The following IPO9 variants were observed in gnomAD, a reference collection of about 807,000 sequenced individuals.
IPO9 encodes the protein importin-9.
In IPO9, 28 loss-of-function variants were observed where a neutral mutation model predicts 128.6. The observed-to-expected ratio is 0.22, with a 90% CI of 0.16 to 0.30. IPO9 has a LOEUF of 0.30. Ranked by LOEUF, IPO9 falls within the 10% of genes least tolerant of loss-of-function variation. IPO9 has a pLI of 1.00. For synonymous variants in IPO9, 455 were observed against 475.8 expected, an observed-to-expected ratio of 0.96 and a Z score of 0.57; for missense variants, 935 against 1,293.9, an observed-to-expected ratio of 0.72 and a Z score of 4.26.
chr1:201,857,431 G>A (rs537999267), intron 11 of IPO9, among the ~76,000 whole-genome samples: 1 of 152,274 alleles, frequency 6.6e-6, no homozygotes, highest in African/African-American at 2.4e-5. Flanking sequence ...CAGACCATAG[G>A]GCCGGGGTGC....
At chr1:201,834,065 CA>C (rs750812761) in intron 1 of IPO9, among the ~76,000 whole-genome samples, 8 of 152,108 alleles carry the variant, frequency 5.3e-5, no homozygotes, top group Non-Finnish European at 8.8e-5. Flanking sequence ...TGAGCAACCA[CA>C]CCTGGCCCCT....
chr1:201,848,979 A>C (rs567170273), intron 4 of IPO9, among the ~76,000 whole-genome samples: 2 of 152,300 alleles, frequency 1.3e-5, no homozygotes, highest in South Asian at 2.1e-4. Flanking sequence ...TTTAAATGTT[A>C]GCTAATCTAT....
Position 201,829,213 on chromosome 1 carries a change from G to T in IPO9, c.4G>T (p.Ala2Ser), listed in dbSNP as rs1427954272. The T allele has an allele frequency of 2.6e-6, 4 of 1,545,606 alleles. No individual in the cohort carries two copies. The South Asian group carries it at 4.8e-5, about 19-fold the overall frequency. The part of the protein sequence containing the change: M[A>S]AAAAAGAASG... ...TGGCGGGCTGAGGGGAGAAAAGATG[G>T]CGGCGGCGGCGGCAGCTGGTGCGGC... is the stretch of plus-strand genomic sequence containing the variant. The change falls in exon 1 of 24, where the codon GCG (alanine) becomes TCG (serine). Residue 2 changes from alanine to serine, a missense_variant. By Grantham distance (99) the Ala-to-Ser change is moderately conservative. Around this residue, in one of 3 missense-constraint regions of IPO9, gnomAD observed 741 missense variants for 1,019.1 expected, o/e 0.73. Coordinates refer to ENST00000361565, the MANE Select transcript of IPO9 (RefSeq NM_018085.5).
rs1176874100 is a variant in IPO9, at chr1:201,866,820, A to G, written c.1716A>G (p.Ala572=). The change falls in exon 15 of 24, where the codon GCA becomes GCG. Residue 572 remains alanine, a synonymous_variant. Transcript: ENST00000361565. ...PSILDGLIHL[A]AQFSSEVLNL... The stretch of plus-strand genomic sequence containing the variant: ...TCCTTGATGGCTTAATTCACCTAGC[A>G]GCCCAGTTCAGCTCAGAGGTCCTCA... 3 of 1,614,106 alleles carry G rather than the reference A, an allele frequency of 1.9e-6. No homozygotes were observed. The South Asian group carries it at 3.3e-5, about 18-fold the overall frequency.
At position 201,852,175 on chromosome 1, in the gene IPO9, A is replaced by G; in HGVS notation, c.586A>G (p.Ile196Val). The G allele has an allele frequency of 6.2e-7, 1 of 1,609,682 alleles. No homozygotes were observed. Among genetic ancestry groups the G allele is most frequent in the Non-Finnish European group, 8.5e-7 (1 of 1,176,076 alleles). Reference protein sequence around the residue: ...APVILPEMYKIFTMAEVYGIR... With the variant: ...APVILPEMYKVFTMAEVYGIR... ...TGTCATTCTCCCAGAGATGTATAAGATCTTCACCATGGCTGAGGTATGAAA... is the reference window on the plus strand; with the variant it reads ...TGTCATTCTCCCAGAGATGTATAAGGTCTTCACCATGGCTGAGGTATGAAA... Residue 196 changes from isoleucine to valine, a missense_variant, in exon 5 of 24, where the codon ATC (isoleucine) becomes GTC (valine). Transcript: ENST00000361565.
chr1:201,859,180 A>AATAAATATATATATATATATATAT lies in IPO9; in HGVS notation c.1468+189_1468+190insAATATATATATATATATATATATA, dbSNP rs371428335. Among the ~76,000 whole-genome samples the AATAAATATATATATATATATATAT allele has an allele frequency of 6.2e-3, 517 of 83,094 alleles. 46 individuals are homozygous for AATAAATATATATATATATATATAT. Among genetic ancestry groups the AATAAATATATATATATATATATAT allele is most frequent in the South Asian group, 0.011 (25 of 2,376 alleles). The allele number at this position is 83,094 out of a possible 152,430, so 54.5% of individuals were successfully genotyped here. A position where few individuals can be genotyped will look rare whatever the true frequency, so the allele number is the denominator to read the frequency against. On this transcript the variant is annotated intron_variant, in intron 13 of 23. Coordinates refer to ENST00000361565, the MANE Select transcript of IPO9 (RefSeq NM_018085.5). The stretch of plus-strand genomic sequence containing the variant: ...ACATGTACCCTAGAACTCAAAGTAT[A>AATAAATATATATATATATATATAT]ATATATATATATATATATATATATA...
At chr1:201,863,249 G>T (rs1680483286) in intron 13 of IPO9, 199 bp from the exon 14 acceptor site, 1 of 353,816 alleles carries the variant, frequency 2.8e-6, no homozygotes, top group South Asian at 5.7e-5. Flanking sequence ...CTACTCAGGA[G>T]GCTGAGGCAG....
intron 14 of IPO9, among the ~76,000 whole-genome samples, chr1:201,865,317 T>G (rs983873486): frequency 1.3e-5 from 2 of 151,542 alleles, no homozygotes; most frequent in East Asian, 3.9e-4. Flanking sequence ...CAAGCAATTC[T>G]CCTGCTTCAG....
Position 201,869,632 on chromosome 1 carries a change from C to G in IPO9, c.2047C>G (p.Pro683Ala), listed in dbSNP as rs748792299. Residue 683 changes from proline (P) to alanine (A), a missense_variant, in exon 17 of 24, where the codon CCT becomes GCT. Physicochemically the swap from Pro to Ala is conservative, Grantham distance 27. Transcript: ENST00000361565. ...GACAACAGTAGTACGAAATACAAAG[C>G]CTCCCCTTTCCCAGCTTCTCATCTG... ...ILTTVVRNTK[P>A]PLSQLLICQA... is the part of the protein sequence containing the mutation. The G allele has an allele frequency of 4.3e-6, 7 of 1,614,162 alleles. No homozygotes were observed. Among genetic ancestry groups the G allele is most frequent in the Non-Finnish European group, 5.1e-6 (6 of 1,180,024 alleles).
chr1:201,853,818 A>C (rs1680268727), intron 6 of IPO9, among the ~76,000 whole-genome samples: 1 of 152,214 alleles, frequency 6.6e-6, no homozygotes, highest in South Asian at 2.1e-4. Flanking sequence ...AGCTCACTGC[A>C]ACGTCCGCCT....
intron 1 of IPO9, among the ~76,000 whole-genome samples, chr1:201,834,023 G>A (rs1345634871): frequency 1.3e-5 from 2 of 152,032 alleles, no homozygotes; most frequent in African/African-American, 4.8e-5. Context: ...CTGCCCTCAA[G>A]TGATCCTCCT....
rs1403558003 is a variant in IPO9, at chr1:201,855,768, C to T, written c.971-15C>T. 6.2e-7 allele frequency: 1 copy of T among 1,603,824 alleles called. No individual in the cohort carries two copies. The highest frequency in any genetic ancestry group is 1.1e-5 in the South Asian group (1 of 88,506). On this transcript the variant is annotated splice_polypyrimidine_tract_variant and intron_variant, in intron 9 of 23. Transcript: ENST00000361565. ...TTTCTTGTCATTAATTTCTTCTCTT[C>T]TGTATTTCCTGCAGGTGAAGTCCTG...
rs1370456176 is a variant in IPO9 at position 201,877,338 on chromosome 1, C to T, written c.*1284C>T. 1 of 152,134 alleles carries T rather than the reference C, an allele frequency of 6.6e-6. No homozygotes were observed. Among genetic ancestry groups the T allele is most frequent in the Non-Finnish European group, 1.5e-5 (1 of 68,052 alleles). The allele number at this position is 152,134 out of a possible 1,614,324, so 9.4% of individuals were successfully genotyped here. On this transcript the variant is annotated 3_prime_UTR_variant, in exon 24 of 24. Coordinates refer to ENST00000361565, the MANE Select transcript of IPO9 (RefSeq NM_018085.5). ...CAACACAGTGAAACCTGCATTTCTA[C>T]TAAAAATACAAAAATTAGCTGGGCA...
Position 201,879,891 on chromosome 1 carries a change from T to G in IPO9, c.*3837T>G, listed in dbSNP as rs1489419116. 6.6e-6 allele frequency: 1 copy of G among 152,124 alleles called. No individual in the cohort carries two copies. The highest frequency in any genetic ancestry group is 1.5e-5 in the Non-Finnish European group (1 of 68,042). The allele number at this position is 152,124 out of a possible 1,614,324, so 9.4% of individuals were successfully genotyped here. ...CCGCCTCTACTAAAAATAAAAAAATTAGCTGGGCATGGTGGCACGTGCCTG... is the reference window on the plus strand; with the variant it reads ...CCGCCTCTACTAAAAATAAAAAAATGAGCTGGGCATGGTGGCACGTGCCTG... On this transcript the variant is annotated 3_prime_UTR_variant, in exon 24 of 24. Coordinates refer to ENST00000361565, the MANE Select transcript of IPO9 (RefSeq NM_018085.5).
At chr1:201,865,241 G>A (rs1309558979) in intron 14 of IPO9, among the ~76,000 whole-genome samples, 1 of 131,212 alleles carries the variant, frequency 7.6e-6, no homozygotes, top group Non-Finnish European at 1.6e-5. Context: ...GAGTCTTGCT[G>A]TCTGTCGCCC....
chr1:201,868,060 A>G (rs1351493593), intron 15 of IPO9, among the ~76,000 whole-genome samples: 2 of 152,184 alleles, frequency 1.3e-5, no homozygotes, highest in Non-Finnish European at 2.9e-5. Context: ...CACATTGCCT[A>G]TATTTTTCCA....
At chr1:201,845,557 T>C (rs796422494) in intron 1 of IPO9, among the ~76,000 whole-genome samples, 8 of 152,318 alleles carry the variant, frequency 5.3e-5, no homozygotes, top group African/African-American at 9.6e-5. Context: ...AACAGAAATA[T>C]AGTATGAGTC....
rs1051379911 is a variant in IPO9, at chr1:201,883,203, T to C, written c.*7149T>C. 1.4e-5 allele frequency: 2 copies of C among 139,216 alleles called. No homozygotes were observed. Among genetic ancestry groups the C allele is most frequent in the African/African-American group, 5.2e-5 (2 of 38,614 alleles). 8.6% of individuals were successfully genotyped at this position (139,216 alleles called of 1,614,324 possible). A position where few individuals can be genotyped will look rare whatever the true frequency, so the allele number is the denominator to read the frequency against. On this transcript the variant is annotated 3_prime_UTR_variant, in exon 24 of 24. Coordinates refer to ENST00000361565, the MANE Select transcript of IPO9 (RefSeq NM_018085.5). ...CCCCCAACAACTTAGTCCAAGAACA[T>C]ACCTGAATTCTTTGCATTTCCTTGC...
intron 10 of IPO9, 50 bp from the exon 11 acceptor site, chr1:201,857,046 G>T (rs372510262): frequency 7.2e-6 from 8 of 1,116,916 alleles, no homozygotes; most frequent in African/African-American, 6.1e-5. Flanking sequence ...TTGATGAAAA[G>T]CTATGAATCA....
Sources: allele counts gnomAD v4.1 joint callset (sites outside exome capture counted in the v4.1 genomes callset), GRCh38; gene constraint gnomAD v4.1.1; regional missense constraint gnomAD v4.1.1; transcripts MANE v1.5; gene names NCBI Gene and HGNC (gene_info 2026-07-23, HGNC 2026-07-21).